Variants in PTGIS observed in about 807,000 individuals in gnomAD.
PTGIS encodes prostacyclin synthase.
A neutral mutation model predicts 50.3 loss-of-function variants in PTGIS; 45 were observed. The ratio of observed to expected loss-of-function variants is 0.90; its 90% CI spans 0.70 to 1.15. The LOEUF (loss-of-function observed/expected upper bound fraction) is 1.15. Ranked by LOEUF, PTGIS falls within the 50% of genes most tolerant of loss-of-function variation. The pLI is 0.00. For synonymous variants in PTGIS, 260 were observed against 267.7 expected, an observed-to-expected ratio of 0.97 and a Z score of 0.28; for missense variants, 668 against 661.3, an observed-to-expected ratio of 1.01 and a Z score of -0.11.
intron 6 of PTGIS, among the ~76,000 whole-genome samples, chr20:49,521,387 G>A (rs753326135): frequency 6.6e-6 from 1 of 152,168 alleles, no homozygotes; most frequent in South Asian, 2.1e-4. Flanking sequence ...TTTCCCACCT[G>A]CCTGAATTCT....
intron 5 of PTGIS, among the ~76,000 whole-genome samples, chr20:49,536,546 T>A (rs960720700): frequency 7.3e-6 from 1 of 137,074 alleles, no homozygotes; most frequent in Non-Finnish European, 1.5e-5. Context: ...AGTGGCACAA[T>A]CTCGGCTCAG....
chr20:49,545,946 G>A (rs935980133), intron 3 of PTGIS, among the ~76,000 whole-genome samples: 9 of 152,124 alleles, frequency 5.9e-5, no homozygotes, highest in African/African-American at 2.2e-4. Context: ...TGCACAGGGC[G>A]TCCATGAACT....
At chr20:49,537,040 C>T (rs1982094369) in intron 5 of PTGIS, among the ~76,000 whole-genome samples, 1 of 152,156 alleles carries the variant, frequency 6.6e-6, no homozygotes, top group African/African-American at 2.4e-5. Flanking sequence ...GAAGCAGCAG[C>T]GCAGGAATTC....
chr20:49,567,799 C>T (rs949980260), intron 1 of PTGIS, among the ~76,000 whole-genome samples: 6 of 152,208 alleles, frequency 3.9e-5, no homozygotes, highest in African/African-American at 9.6e-5. Context: ...GGGCGATTCG[C>T]CCCGGGGGAC....
chr20:49,533,081 G>A (rs1367977511), intron 5 of PTGIS, among the ~76,000 whole-genome samples: 1 of 152,102 alleles, frequency 6.6e-6, no homozygotes, highest in Middle Eastern at 3.4e-3. Context: ...ATGTAGCCTC[G>A]GCTGAGCCCC....
chr20:49,534,288 T>C (rs1003184396), intron 5 of PTGIS, among the ~76,000 whole-genome samples: 2 of 152,248 alleles, frequency 1.3e-5, no homozygotes, highest in Non-Finnish European at 2.9e-5. Flanking sequence ...ATGTGCATTT[T>C]ATTTTATGTT....
chr20:49,550,048 G>A lies in PTGIS; in HGVS notation c.198+18C>T. ...AGCTGCTCATCCCCATCCCTCCCGA[G>A]GCACAAGAGGCACTTACAGTAAAGA... On this transcript the variant is annotated intron_variant, in intron 2 of 9. Transcript: ENST00000244043. The A allele has an allele frequency of 1.2e-6, 2 of 1,614,068 alleles. No homozygotes were observed. Among genetic ancestry groups the A allele is most frequent in the Non-Finnish European group, 1.7e-6 (2 of 1,179,990 alleles).
intron 6 of PTGIS, among the ~76,000 whole-genome samples, chr20:49,521,311 G>A (rs1651768869): frequency 6.6e-6 from 1 of 152,180 alleles, no homozygotes; most frequent in African/African-American, 2.4e-5. Context: ...AGGTCACAGA[G>A]CCTGTGCCAG....
At chr20:49,556,548 A>G (rs1295259293) in intron 1 of PTGIS, among the ~76,000 whole-genome samples, 1 of 152,256 alleles carries the variant, frequency 6.6e-6, no homozygotes, top group East Asian at 1.9e-4. Context: ...AGCTTCCAGC[A>G]AAGCCAATTT....
At chr20:49,523,997 G>A (rs1028370010) in intron 6 of PTGIS, 61 bp downstream of exon 6, 1 of 1,590,542 alleles carries the variant, frequency 6.3e-7, no homozygotes, top group African/African-American at 1.3e-5. Flanking sequence ...ACACACACAT[G>A]CGTTCATATC....
At chr20:49,517,324 C>T (rs1013351139) in intron 6 of PTGIS, among the ~76,000 whole-genome samples, 1 of 152,190 alleles carries the variant, frequency 6.6e-6, no homozygotes, top group Non-Finnish European at 1.5e-5. Context: ...TGGGGGCCAC[C>T]GCTCATTAAT....
At chr20:49,508,239 C>T (rs1981209811) in intron 9 of PTGIS, among the ~76,000 whole-genome samples, 175 bp from the exon 10 acceptor site, 1 of 152,200 alleles carries the variant, frequency 6.6e-6, no homozygotes. Context: ...TTGCCAGCCC[C>T]CTGTAAGGTT....
chr20:49,540,806 T>A lies in PTGIS; in HGVS notation c.522-1085A>T, dbSNP rs765880965. 3.3e-5 allele frequency among the ~76,000 whole-genome samples: 5 copies of A among 152,170 alleles called. No homozygotes were observed. Among genetic ancestry groups the A allele is most frequent in the African/African-American group, 4.8e-5 (2 of 41,434 alleles). ...AGGGAAACTGCAGGCTTTCATTTTG[T>A]CATCTCTGCCTCAGCAGAGAGTCAC... On this transcript the variant is annotated intron_variant, in intron 4 of 9. Coordinates refer to ENST00000244043, the MANE Select transcript of PTGIS (RefSeq NM_000961.4). The surrounding 1 kb of genome is among the most constrained non-coding windows in gnomAD (Gnocchi z 4.8).
chr20:49,516,003 C>A, intron 6 of PTGIS, among the ~76,000 whole-genome samples: 1 of 151,848 alleles, frequency 6.6e-6, no homozygotes, highest in East Asian at 1.9e-4. Context: ...GCCTTAGCCT[C>A]CCAAGGAGCT....
intron 1 of PTGIS, among the ~76,000 whole-genome samples, chr20:49,564,900 T>A (rs2122911850): frequency 6.6e-6 from 1 of 151,886 alleles, no homozygotes; most frequent in Non-Finnish European, 1.5e-5. Flanking sequence ...TGGAGAGCCT[T>A]GCTTATTTTA....
intron 5 of PTGIS, among the ~76,000 whole-genome samples, chr20:49,527,649 A>G (rs1981825338): frequency 6.6e-6 from 1 of 152,222 alleles, no homozygotes; most frequent in African/African-American, 2.4e-5. Flanking sequence ...GTTTAGAATC[A>G]TGAAAAGTTT....
At chr20:49,515,421 T>C (rs1451369802) in intron 6 of PTGIS, among the ~76,000 whole-genome samples, 1 of 152,232 alleles carries the variant, frequency 6.6e-6, no homozygotes, top group Non-Finnish European at 1.5e-5. Flanking sequence ...GGCTAAAATG[T>C]GTATATGGCA....
chr20:49,520,358 G>T (rs1460327594), intron 6 of PTGIS, among the ~76,000 whole-genome samples: 1 of 151,016 alleles, frequency 6.6e-6, no homozygotes, highest in Non-Finnish European at 1.5e-5. Context: ...TTTGAGATGG[G>T]AGTCTCACTC....
At chr20:49,565,531 G>A (rs1982876385) in intron 1 of PTGIS, among the ~76,000 whole-genome samples, 1 of 152,128 alleles carries the variant, frequency 6.6e-6, no homozygotes, top group Non-Finnish European at 1.5e-5. Flanking sequence ...TGGGCATGGT[G>A]GCACACACCT....
Sources: gnomAD v4.1 joint callset for allele counts (sites outside exome capture counted in the v4.1 genomes callset) on GRCh38, gnomAD v4.1.1 for gene constraint, Gnocchi (gnomAD v3.1) non-coding constraint, MANE v1.5 for transcripts, NCBI Gene and HGNC (gene_info 2026-07-23, HGNC 2026-07-21) for gene names.